The following KIAA1328 variants were observed in gnomAD, a reference collection of about 807,000 sequenced individuals.
KIAA1328 encodes the protein protein hinderin.
KIAA1328 carries 52 observed loss-of-function variants against 68.1 expected under a neutral mutation model. The ratio of observed to expected loss-of-function variants is 0.76; its 90% CI spans 0.61 to 0.96. The LOEUF (loss-of-function observed/expected upper bound fraction) is 0.96. Ranked by LOEUF, KIAA1328 falls within the 40% of genes least tolerant of loss-of-function variation. KIAA1328 has a pLI of 0.00. For synonymous variants in KIAA1328, 232 were observed against 239.4 expected, an observed-to-expected ratio of 0.97 and a Z score of 0.28; for missense variants, 641 against 677.6, an observed-to-expected ratio of 0.95 and a Z score of 0.60.
rs540055746 is a variant in KIAA1328 at position 36,979,153 on chromosome 18, C to T, written c.576+19718C>T. On this transcript the variant is annotated intron_variant, in intron 6 of 9. Transcript: ENST00000280020. The stretch of plus-strand genomic sequence containing the variant: ...CTGCAGCCTGGGTAACAGACTGAGA[C>T]CCTATCTCTAAAAATAATAAAATAA... Among the ~76,000 whole-genome samples, 74 of 151,618 alleles carry T rather than the reference C, an allele frequency of 4.9e-4. No homozygotes were observed. The South Asian group carries it at 0.013, about 26-fold the overall frequency.
At chr18:37,160,425 G>T in intron 8 of KIAA1328, 44 bp downstream of exon 8, 1 of 1,530,978 alleles carries the variant, frequency 6.5e-7, no homozygotes, top group Non-Finnish European at 8.9e-7. Flanking sequence ...ACTGGTAGGG[G>T]AAGGTAGTTG....
intron 6 of KIAA1328, among the ~76,000 whole-genome samples, chr18:37,022,187 C>T (rs781385465): frequency 1.5e-4 from 23 of 151,978 alleles, no homozygotes; most frequent in Admixed American, 2.6e-4. Flanking sequence ...AAAGGCAGAC[C>T]GGCTGTTAAC....
chr18:37,200,580 G>A (rs920777756), intron 9 of KIAA1328, among the ~76,000 whole-genome samples: 5 of 151,952 alleles, frequency 3.3e-5, no homozygotes, highest in African/African-American at 9.7e-5. Context: ...GGGAGGCCGA[G>A]GCGGGTGGAT....
chr18:36,985,617 C>A (rs144665164), intron 6 of KIAA1328, among the ~76,000 whole-genome samples: 1 of 152,066 alleles, frequency 6.6e-6, no homozygotes, highest in African/African-American at 2.4e-5. Flanking sequence ...TTCTTTTCAA[C>A]GAGTCCATAT....
intron 9 of KIAA1328, among the ~76,000 whole-genome samples, chr18:37,212,951 T>C (rs1568540408): frequency 6.6e-6 from 1 of 152,164 alleles, no homozygotes; most frequent in Admixed American, 6.5e-5. Context: ...ACTCCTGACA[T>C]CAAGTGATCC....
chr18:37,147,495 A>G (rs1048775414), intron 7 of KIAA1328, among the ~76,000 whole-genome samples: 1 of 152,060 alleles, frequency 6.6e-6, no homozygotes, highest in South Asian at 2.1e-4. Context: ...CACATCTGCA[A>G]TGTAGCTACC....
At chr18:37,056,361 T>C (rs988560968) in intron 6 of KIAA1328, among the ~76,000 whole-genome samples, 1 of 152,184 alleles carries the variant, frequency 6.6e-6, no homozygotes, top group Non-Finnish European at 1.5e-5. Flanking sequence ...CAGAAATTTA[T>C]TTATCTTCAA....
chr18:37,107,336 A>G (rs375148690), intron 7 of KIAA1328, among the ~76,000 whole-genome samples: 1 of 152,206 alleles, frequency 6.6e-6, no homozygotes. Flanking sequence ...ATGAGAATAA[A>G]TACTATCTAA....
At chr18:36,855,784 T>G (rs1023052428) in intron 4 of KIAA1328, among the ~76,000 whole-genome samples, 2 of 151,846 alleles carry the variant, frequency 1.3e-5, no homozygotes, top group Non-Finnish European at 2.9e-5. Flanking sequence ...CTATTATATT[T>G]AAGTATTTAT....
chr18:37,151,631 A>G (rs2059031918), intron 7 of KIAA1328, among the ~76,000 whole-genome samples: 1 of 152,198 alleles, frequency 6.6e-6, no homozygotes, highest in Non-Finnish European at 1.5e-5. Context: ...ACACACTCAT[A>G]TGCTCAACTG....
At chr18:36,923,068 A>G (rs937666678) in intron 5 of KIAA1328, among the ~76,000 whole-genome samples, 10 of 152,116 alleles carry the variant, frequency 6.6e-5, no homozygotes, top group Admixed American at 2.0e-4. Flanking sequence ...GACTTCATAC[A>G]TCAAAGAAGA....
intron 6 of KIAA1328, among the ~76,000 whole-genome samples, chr18:37,038,908 G>C (rs2055136264): frequency 6.6e-6 from 1 of 152,056 alleles, no homozygotes. Context: ...TTTTTTGAGA[G>C]TCTTTATCAT....
At chr18:37,107,660 C>A (rs752088452) in intron 7 of KIAA1328, among the ~76,000 whole-genome samples, 8 of 152,032 alleles carry the variant, frequency 5.3e-5, no homozygotes, top group Admixed American at 6.6e-5. Flanking sequence ...CATTTTTAGC[C>A]TGGGCATTGT....
At chr18:36,884,176 T>C (rs1023785103) in intron 4 of KIAA1328, among the ~76,000 whole-genome samples, 2 of 152,018 alleles carry the variant, frequency 1.3e-5, no homozygotes, top group African/African-American at 2.4e-5. Flanking sequence ...AGGGAAGGCA[T>C]TGTAAAGAGA....
intron 5 of KIAA1328, among the ~76,000 whole-genome samples, chr18:36,924,638 C>A (rs2151121773): frequency 6.6e-6 from 1 of 152,180 alleles, no homozygotes; most frequent in East Asian, 1.9e-4. Context: ...TGGGCATCAC[C>A]AGAATATAGT....
At chr18:36,829,636 A>G (rs1020246098) in intron 1 of KIAA1328, among the ~76,000 whole-genome samples, 12 of 152,162 alleles carry the variant, frequency 7.9e-5, no homozygotes, top group Non-Finnish European at 1.5e-4. Context: ...TTTAGTCTGC[A>G]TTGCTAGGAG....
At chr18:36,918,876 T>C (rs771188586) in intron 5 of KIAA1328, among the ~76,000 whole-genome samples, 8 of 152,202 alleles carry the variant, frequency 5.3e-5, no homozygotes, top group Non-Finnish European at 1.0e-4. Flanking sequence ...CTGAAGTATA[T>C]TGTTACTGAT....
At chr18:37,046,555 C>G (rs1193013913) in intron 6 of KIAA1328, among the ~76,000 whole-genome samples, 1 of 152,162 alleles carries the variant, frequency 6.6e-6, no homozygotes, top group Admixed American at 6.6e-5. Flanking sequence ...AAAGCAATGA[C>G]TAATGTTAAG....
chr18:37,162,281 T>TAA (rs765901586), intron 8 of KIAA1328, among the ~76,000 whole-genome samples: 1 of 140,202 alleles, frequency 7.1e-6, no homozygotes. Context: ...AGTGTTGCAA[T>TAA]AAAAAAAAAA....
Sources: allele counts gnomAD v4.1 joint callset (sites outside exome capture counted in the v4.1 genomes callset), GRCh38; gene constraint gnomAD v4.1.1; transcripts MANE v1.5; gene names NCBI Gene and HGNC (gene_info 2026-07-23, HGNC 2026-07-21).